RELA: variants seen among roughly 807,000 people sequenced by gnomAD.
RELA encodes RELA proto-oncogene, NF-kB subunit.
In RELA, 14 loss-of-function variants were observed where a neutral mutation model predicts 56.7. The observed-to-expected ratio is 0.25, with a 90% CI of 0.16 to 0.39. RELA has a LOEUF of 0.39. Among genes scored for constraint, RELA ranks in the 10% least tolerant of loss-of-function variants. The probability of loss-of-function intolerance (pLI) is 1.00; values close to 1 mark genes in which losing one functional copy is unlikely to be tolerated. For synonymous variants in RELA, 315 were observed against 289.7 expected (o/e 1.09, Z -0.89); for missense variants, 559 against 736.4 (o/e 0.76, Z 2.79).
chr11:65,660,573 C>G (rs894976358), intron 4 of RELA: 2 of 259,314 alleles, frequency 7.7e-6, no homozygotes, highest in Non-Finnish European at 1.5e-5. Flanking sequence ...CAAGTCTTAG[C>G]TGAGGGAGGC....
At position 65,654,752 on chromosome 11, in the gene RELA, G is replaced by A; in HGVS notation, c.1282C>T (p.Pro428Ser). 1 of 1,509,620 alleles carries A rather than the reference G, an allele frequency of 6.6e-7. No homozygotes were observed. Among genetic ancestry groups the A allele is most frequent in the Middle Eastern group, 1.9e-4 (1 of 5,394 alleles). The allele number at this position is 1,509,620 out of a possible 1,614,324, so 93.5% of individuals were successfully genotyped here. Reference protein sequence around the residue: ...PQAVAPPAPKPTQAGEGTLSE... With the variant: ...PQAVAPPAPKSTQAGEGTLSE... The stretch of plus-strand genomic sequence containing the variant: ...AGCGTTCCTTCCCCAGCCTGGGTGG[G>A]CTTGGGGGCAGGTGGGGCCACAGCC... Residue 428 changes from proline to serine, a missense_variant, in exon 11 of 11, where the codon CCC (proline) becomes TCC (serine). Transcript: ENST00000406246.
At chr11:65,657,418 G>A (rs1856458691) in intron 8 of RELA, among the ~76,000 whole-genome samples, 1 of 146,226 alleles carries the variant, frequency 6.8e-6, no homozygotes, top group Admixed American at 6.8e-5. Context: ...GTCTGTCTCT[G>A]ATCTTCTACA....
In RELA at chr11:65,654,019, A is replaced by C; in HGVS notation, c.*359T>G. The C allele has an allele frequency of 2.9e-6, 1 of 348,578 alleles. No homozygotes were observed. Among genetic ancestry groups the C allele is most frequent in the East Asian group, 8.7e-5 (1 of 11,538 alleles). 21.6% of individuals were successfully genotyped at this position (348,578 alleles called of 1,614,324 possible). On this transcript the variant is annotated 3_prime_UTR_variant, in exon 11 of 11. Transcript: ENST00000406246. ...ACACTTGATAAGGCTTTGTGGGCTC[A>C]AAGGCCTTACCTCCAGCCTGCTTCT...
Position 65,654,519 on chromosome 11 carries a change from T to C in RELA, c.1515A>G (p.Thr505=), listed in dbSNP as rs757248540. The C allele has an allele frequency of 1.1e-5, 17 of 1,580,006 alleles. No individual in the cohort carries two copies. Among genetic ancestry groups the C allele is most frequent in the Admixed American group, 3.5e-5 (2 of 57,498 alleles). ...CTGGGTCGGGGGGCCTCTGGGCCCC[T>C]GTCACTAGGCGAGTTATAGCCTCAG... The part of the protein sequence containing the change: ...EYPEAITRLV[T]GAQRPPDPAP... The change falls in exon 11 of 11, where the codon ACA becomes ACG. Residue 505 remains threonine, a synonymous_variant. Coordinates refer to ENST00000406246, the MANE Select transcript of RELA (RefSeq NM_021975.4).
Position 65,660,176 on chromosome 11 carries a change from G to A in RELA, c.375C>T (p.Asp125=), listed in dbSNP as rs756169624. 1.2e-6 allele frequency: 2 copies of A among 1,614,128 alleles called. No homozygotes were observed. Among genetic ancestry groups the A allele is most frequent in the South Asian group, 2.2e-5 (2 of 91,082 alleles). Residue 125 remains aspartate (D), a synonymous_variant, in exon 5 of 11, where the codon GAC becomes GAT. Transcript: ENST00000406246. The part of the protein sequence containing the change: ...NLGIQCVKKR[D]LEQAISQRIQ... ...TGCGCTGACTGATAGCCTGCTCCAG[G>A]TCCCGCTTCTTCACACACTGGATTC...
At chr11:65,657,509 T>C (rs560389295) in intron 8 of RELA, among the ~76,000 whole-genome samples, 81 of 152,268 alleles carry the variant, frequency 5.3e-4, no homozygotes, top group Non-Finnish European at 1.0e-3. Context: ...GGCCCTCCAA[T>C]CTCTGAGCCT....
intron 10 of RELA, 77 bp downstream of exon 10, chr11:65,655,611 G>T (rs1144792): frequency 7.1e-7 from 1 of 1,403,320 alleles, no homozygotes; most frequent in Non-Finnish European, 1.0e-6. Context: ...ATGGGGCCCA[G>T]GAGTCTTCAT....
chr11:65,662,600 C>T, intron 1 of RELA: 1 of 379,620 alleles, frequency 2.6e-6, no homozygotes, highest in South Asian at 1.2e-4. Flanking sequence ...CCTCTGCTCC[C>T]CCACCCAGGG....
chr11:65,654,466 A>G lies in RELA; in HGVS notation c.1568T>C (p.Leu523Pro). ...ATCTCCTGAAAGGAGGCCATTGGGG[A>G]GCCCCGGGGCCCCCAGTGGAGCAGG... Reference protein sequence around the residue: ...PAPAPLGAPGLPNGLLSGDED... With the variant: ...PAPAPLGAPGPPNGLLSGDED... The change falls in exon 11 of 11, where the codon CTC becomes CCC. Residue 523 changes from leucine to proline, a missense_variant. Physicochemically the swap from Leu to Pro is moderately conservative, Grantham distance 98 (BLOSUM62 -3). Coordinates refer to ENST00000406246, the MANE Select transcript of RELA (RefSeq NM_021975.4). 1 of 1,605,178 alleles carries G rather than the reference A, an allele frequency of 6.2e-7. No homozygotes were observed.
Position 65,654,115 on chromosome 11 carries a change from C to G in RELA, c.*263G>C. ...CCAGAGTTCCCTACAGAGAAGGGAG[C>G]TGACCATCAGGACAGGGGAAAAGTT... On this transcript the variant is annotated 3_prime_UTR_variant, in exon 11 of 11. Transcript: ENST00000406246. 1 of 518,410 alleles carries G rather than the reference C, an allele frequency of 1.9e-6. No homozygotes were observed. Among genetic ancestry groups the G allele is most frequent in the East Asian group, 3.7e-5 (1 of 26,750 alleles). The allele number at this position is 518,410 out of a possible 1,614,324, so 32.1% of individuals were successfully genotyped here. A position where few individuals can be genotyped will look rare whatever the true frequency, so the allele number is the denominator to read the frequency against.
intron 4 of RELA, 30 bp from the exon 5 acceptor site, chr11:65,660,245 T>A: frequency 6.2e-7 from 1 of 1,607,058 alleles, no homozygotes; most frequent in Non-Finnish European, 8.5e-7. Flanking sequence ...TGTCCCACTG[T>A]CTCTCACAGA....
chr11:65,657,178 C>CTTGCA (rs557901195), intron 8 of RELA, among the ~76,000 whole-genome samples: 83 of 152,230 alleles, frequency 5.5e-4, no homozygotes, highest in African/African-American at 2.0e-3. Flanking sequence ...GCATGAGCCA[C>CTTGCA]TTGCATTAAA....
chr11:65,662,349 T>G, intron 1 of RELA, 144 bp from the exon 2 acceptor site: 1 of 966,730 alleles, frequency 1.0e-6, no homozygotes, highest in Middle Eastern at 3.4e-4. Flanking sequence ...GCGGTGAAAC[T>G]AAGGGGTGGA....
chr11:65,656,731 C>T (rs1369524652), intron 8 of RELA, among the ~76,000 whole-genome samples: 2 of 152,102 alleles, frequency 1.3e-5, no homozygotes, highest in Admixed American at 6.6e-5. Context: ...TATATACAAA[C>T]CAGAAAATCT....
At chr11:65,655,608 C>T in intron 10 of RELA, 80 bp downstream of exon 10, 7 of 1,377,192 alleles carry the variant, frequency 5.1e-6, no homozygotes, top group Non-Finnish European at 7.2e-6. Context: ...GTAATGGGGC[C>T]CAGGAGTCTT....
At position 65,658,707 on chromosome 11, in the gene RELA, C is replaced by G. The variant is rs1275540144; in HGVS notation, c.664+11G>C. On this transcript the variant is annotated intron_variant, in intron 7 of 10. Transcript: ENST00000406246. The surrounding 1 kb of genome is among the most constrained non-coding windows in gnomAD (Gnocchi z 4.5). Reference sequence around the variant, plus strand: ...GCTCCCAAGAGCCCACCCCTGCCTCCTGATGTATACCTTTCTGCACCTTGT... The same window carrying G: ...GCTCCCAAGAGCCCACCCCTGCCTCGTGATGTATACCTTTCTGCACCTTGT... 1 of 1,610,948 alleles carries G rather than the reference C, an allele frequency of 6.2e-7. No homozygotes were observed. The highest frequency in any genetic ancestry group is 1.1e-5 in the South Asian group (1 of 91,022).
chr11:65,663,036 T>C (rs1856615560), upstream of RELA: 3 of 283,630 alleles, frequency 1.1e-5, no homozygotes, highest in African/African-American at 2.2e-5. Context: ...ACGAAGAGGC[T>C]GCACGCACAG....
chr11:65,663,372 T>G (rs1258756072), upstream of RELA, among the ~76,000 whole-genome samples: 1 of 152,020 alleles, frequency 6.6e-6, no homozygotes, highest in Non-Finnish European at 1.5e-5. Context: ...AAAGGTGCCT[T>G]TCGGTGGTGG....
Position 65,662,064 on chromosome 11 carries a change from T to C in RELA, c.59A>G (p.Tyr20Cys), listed in dbSNP as rs765199827. 6 of 1,612,114 alleles carry C rather than the reference T, an allele frequency of 3.7e-6. No homozygotes were observed. The highest frequency in any genetic ancestry group is 1.3e-5 in the African/African-American group (1 of 74,838). The change falls in exon 3 of 11, where the codon TAT becomes TGT. Residue 20 changes from tyrosine (Y) to cysteine (C), a missense_variant. By Grantham distance (194) the Tyr-to-Cys change is radical. Transcript: ENST00000406246. ...CTTGGGCTGCTCAATGATCTCCACATAGGGGCCAGAGGCCTGGGCTGGCTC... is the reference window on the plus strand; with the variant it reads ...CTTGGGCTGCTCAATGATCTCCACACAGGGGCCAGAGGCCTGGGCTGGCTC... Reference protein sequence around the residue: ...PAEPAQASGPYVEIIEQPKQR... With the variant: ...PAEPAQASGPCVEIIEQPKQR...
Sources: gnomAD v4.1 joint callset for allele counts (sites outside exome capture counted in the v4.1 genomes callset) on GRCh38, gnomAD v4.1.1 for gene constraint, Gnocchi (gnomAD v3.1) non-coding constraint, MANE v1.5 for transcripts, NCBI Gene and HGNC (gene_info 2026-07-23, HGNC 2026-07-21) for gene names.